XPR1: variants seen among roughly 807,000 people sequenced by gnomAD.
XPR1 encodes the protein solute carrier family 53 member 1.
Under a neutral mutation model 87.5 loss-of-function variants are expected in XPR1, and 28 were observed. That is an observed-to-expected ratio of 0.32 (90% confidence interval 0.24 to 0.44). The LOEUF (loss-of-function observed/expected upper bound fraction) is 0.44. XPR1 is among the 20% of genes least tolerant of loss of function. The probability of loss-of-function intolerance (pLI) is 1.00; values close to 1 mark genes in which losing one functional copy is unlikely to be tolerated. For synonymous variants in XPR1, 300 were observed against 306.1 expected (o/e 0.98, Z 0.21); for missense variants, 559 against 862.3 (o/e 0.65, Z 4.41).
chr1:180,691,779 C>T (rs573876718), intron 2 of XPR1, among the ~76,000 whole-genome samples: 6 of 152,094 alleles, frequency 3.9e-5, no homozygotes, highest in East Asian at 1.9e-4. Flanking sequence ...TCTTATTATA[C>T]GCTTCAATGG....
intron 1 of XPR1, among the ~76,000 whole-genome samples, chr1:180,659,578 C>A (rs1571691807): frequency 7.0e-6 from 1 of 141,996 alleles, no homozygotes; most frequent in African/African-American, 2.7e-5. Flanking sequence ...ACCACACCCC[C>A]CAGCCACCGC....
At chr1:180,696,603 A>C (rs1657183422) in intron 2 of XPR1, among the ~76,000 whole-genome samples, 3 of 152,118 alleles carry the variant, frequency 2.0e-5, no homozygotes. Context: ...TTTCCCCTTC[A>C]GTATGATGTT....
At chr1:180,732,599 C>T (rs1315388999) in intron 2 of XPR1, among the ~76,000 whole-genome samples, 2 of 152,252 alleles carry the variant, frequency 1.3e-5, no homozygotes, top group East Asian at 3.9e-4. Context: ...TCTTCAGTGC[C>T]CCACTGCTCA....
chr1:180,861,503 A>C (rs1052871405), intron 11 of XPR1, among the ~76,000 whole-genome samples: 1 of 152,288 alleles, frequency 6.6e-6, no homozygotes, highest in Admixed American at 6.5e-5. Flanking sequence ...CTATACCTAG[A>C]TAGTAAGTAA....
At chr1:180,653,422 G>T (rs1483443852) in intron 1 of XPR1, among the ~76,000 whole-genome samples, 3 of 152,142 alleles carry the variant, frequency 2.0e-5, no homozygotes, top group Non-Finnish European at 4.4e-5. Context: ...ATTTTAGAAA[G>T]TAAGATGGCA....
At chr1:180,807,881 G>A (rs534390687) in intron 6 of XPR1, among the ~76,000 whole-genome samples, 1 of 152,270 alleles carries the variant, frequency 6.6e-6, no homozygotes, top group African/African-American at 2.4e-5. Context: ...GCACATGCCT[G>A]TAATCCCAGC....
chr1:180,697,276 G>C (rs1283891641), intron 2 of XPR1, among the ~76,000 whole-genome samples: 1 of 151,918 alleles, frequency 6.6e-6, no homozygotes, highest in African/African-American at 2.4e-5. Flanking sequence ...GTTCATAATA[G>C]TGTCTAATAA....
intron 2 of XPR1, among the ~76,000 whole-genome samples, chr1:180,714,441 G>T (rs1657920380): frequency 7.6e-6 from 1 of 130,974 alleles, no homozygotes; most frequent in Admixed American, 9.2e-5. Context: ...GTCTCATCTT[G>T]TTGCCCAGGC....
In XPR1 at chr1:180,632,133, T is replaced by C. The variant is rs1450098285; in HGVS notation, c.-69T>C. On this transcript the variant is annotated 5_prime_UTR_variant, in exon 1 of 15. Coordinates refer to ENST00000367590, the MANE Select transcript of XPR1 (RefSeq NM_004736.4). ...GCGCCGGGGCCCATGTGGGGAGGAG[T>C]CGGAGTCGCTGTTGCCGCCGCCGCC... 1 of 1,536,182 alleles carries C rather than the reference T, an allele frequency of 6.5e-7. No homozygotes were observed. The highest frequency in any genetic ancestry group is 8.8e-7 in the Non-Finnish European group (1 of 1,134,284).
At chr1:180,743,914 T>C (rs1658999651) in intron 2 of XPR1, among the ~76,000 whole-genome samples, 1 of 152,248 alleles carries the variant, frequency 6.6e-6, no homozygotes, top group Non-Finnish European at 1.5e-5. Context: ...TTGTCTTTAG[T>C]ATTTTACAGT....
intron 2 of XPR1, among the ~76,000 whole-genome samples, chr1:180,751,789 C>G (rs891930535): frequency 6.6e-6 from 1 of 151,984 alleles, no homozygotes; most frequent in African/African-American, 2.4e-5. Context: ...TCTCTCTTGT[C>G]AAGTAGAAAG....
chr1:180,761,463 T>C (rs1285368905), intron 2 of XPR1, among the ~76,000 whole-genome samples: 1 of 152,086 alleles, frequency 6.6e-6, no homozygotes, highest in Non-Finnish European at 1.5e-5. Context: ...GGGCGAAGGA[T>C]ATGAACAGAC....
At chr1:180,664,005 C>T (rs1655872724) in intron 1 of XPR1, among the ~76,000 whole-genome samples, 2 of 152,110 alleles carry the variant, frequency 1.3e-5, no homozygotes, top group Admixed American at 6.5e-5. Flanking sequence ...GTGAATGCTG[C>T]CAGGCCTGGG....
In XPR1 at chr1:180,790,203, C is replaced by T. The variant is rs1367009321; in HGVS notation, c.223+2349C>T. Among the ~76,000 whole-genome samples, 27 of 152,094 alleles carry T rather than the reference C, an allele frequency of 1.8e-4. 1 individual carries two copies. Among genetic ancestry groups the T allele is most frequent in the Non-Finnish European group, 1.5e-5 (1 of 68,026 alleles). On this transcript the variant is annotated intron_variant, in intron 3 of 14. Transcript: ENST00000367590. ...CCTCCAATCTTTGTAGAAGAGATAT[C>T]CCTCTTTATTCCACGGGAGATCTTT...
chr1:180,793,878 T>A (rs1649473845), intron 3 of XPR1, among the ~76,000 whole-genome samples: 1 of 152,178 alleles, frequency 6.6e-6, no homozygotes, highest in Non-Finnish European at 1.5e-5. Context: ...TCCTTCCTTC[T>A]GTCTCTCTCC....
At chr1:180,833,143 A>G (rs943452838) in intron 9 of XPR1, among the ~76,000 whole-genome samples, 3 of 152,158 alleles carry the variant, frequency 2.0e-5, no homozygotes, top group Non-Finnish European at 4.4e-5. Context: ...GAGTTCACTC[A>G]TGATTTGGCT....
At chr1:180,678,853 T>C (rs1180266650) in intron 1 of XPR1, among the ~76,000 whole-genome samples, 2 of 152,232 alleles carry the variant, frequency 1.3e-5, no homozygotes, top group Non-Finnish European at 2.9e-5. Flanking sequence ...AAGAGTGGGT[T>C]ACCCTGGAAG....
chr1:180,862,266 C>T (rs901918097), intron 11 of XPR1, among the ~76,000 whole-genome samples: 1 of 152,172 alleles, frequency 6.6e-6, no homozygotes, highest in South Asian at 2.1e-4. Context: ...CCCACGAAGG[C>T]GTTCCACAGT....
At chr1:180,733,979 AATT>A (rs1184771138) in intron 2 of XPR1, among the ~76,000 whole-genome samples, 1 of 152,138 alleles carries the variant, frequency 6.6e-6, no homozygotes. Flanking sequence ...GGACAGTTAT[AATT>A]ATTATTTTGG....
Sources: gnomAD v4.1 joint callset for allele counts (sites outside exome capture counted in the v4.1 genomes callset) on GRCh38, gnomAD v4.1.1 for gene constraint, MANE v1.5 for transcripts, NCBI Gene and HGNC (gene_info 2026-07-23, HGNC 2026-07-21) for gene names.